Variants in FLI1 observed in about 807,000 individuals in gnomAD.
The protein encoded by FLI1 is Fli-1 proto-oncogene, ETS transcription factor, also known as Friend leukemia integration 1 transcription factor.
A neutral mutation model predicts 53.1 loss-of-function variants in FLI1; 13 were observed. The observed-to-expected ratio is 0.24, with a 90% CI of 0.16 to 0.39. The LOEUF (loss-of-function observed/expected upper bound fraction) is 0.39. FLI1 is among the 10% of genes least tolerant of loss of function. The pLI, the probability that FLI1 is intolerant of heterozygous loss-of-function variation, is 1.00. For synonymous variants in FLI1, 244 were observed against 236.7 expected (o/e 1.03, Z -0.28); for missense variants, 424 against 600.5 (o/e 0.71, Z 3.07).
At chr11:128,699,769 T>C (rs1938242226) in intron 1 of FLI1, among the ~76,000 whole-genome samples, 1 of 152,252 alleles carries the variant, frequency 6.6e-6, no homozygotes, top group Non-Finnish European at 1.5e-5. Flanking sequence ...GATAGGGTTA[T>C]ATGTCCCCAC....
chr11:128,731,759 T>C (rs752561954), intron 1 of FLI1, among the ~76,000 whole-genome samples: 15 of 152,102 alleles, frequency 9.9e-5, no homozygotes, highest in Non-Finnish European at 1.9e-4. Flanking sequence ...ATCCAGCACT[T>C]TGGGAGGCGG....
chr11:128,724,716 G>A (rs1200979220), intron 1 of FLI1, among the ~76,000 whole-genome samples: 4 of 152,130 alleles, frequency 2.6e-5, no homozygotes, highest in African/African-American at 7.2e-5. Context: ...TCTTGATACG[G>A]GATCTAAATG....
chr11:128,756,769 G>A (rs959006842), intron 1 of FLI1, among the ~76,000 whole-genome samples: 4 of 152,178 alleles, frequency 2.6e-5, no homozygotes, highest in African/African-American at 9.7e-5. Flanking sequence ...TGACTGTAGT[G>A]AACACTATGC....
At chr11:128,702,005 A>G (rs1406556781) in intron 1 of FLI1, among the ~76,000 whole-genome samples, 1 of 152,236 alleles carries the variant, frequency 6.6e-6, no homozygotes, top group African/African-American at 2.4e-5. Flanking sequence ...CAAAAGTGTG[A>G]AAACAAACAG....
intron 2 of FLI1, among the ~76,000 whole-genome samples, chr11:128,760,934 A>G (rs1591789509): frequency 6.6e-6 from 1 of 152,104 alleles, no homozygotes; most frequent in East Asian, 1.9e-4. Context: ...CTGCGGGGGC[A>G]TCCTGCTCTC....
intron 8 of FLI1, among the ~76,000 whole-genome samples, chr11:128,809,432 C>A (rs986960040): frequency 6.6e-6 from 1 of 152,150 alleles, no homozygotes; most frequent in African/African-American, 2.4e-5. Context: ...AACACATCAG[C>A]ACTGCACATG....
At position 128,758,252 on chromosome 11, in the gene FLI1, A is replaced by T; in HGVS notation, c.156A>T (p.Pro52=). Residue 52 remains proline (P), a synonymous_variant, in exon 2 of 9, where the codon CCA becomes CCT. Coordinates refer to ENST00000527786, the MANE Select transcript of FLI1 (RefSeq NM_002017.5). The part of the protein sequence containing the change: ...YGQPHKINPL[P]PQQEWINQPV... ...AGCCCCACAAGATCAACCCCCTCCC[A>T]CCACAGCAGGAGTGGATCAATCAGC... 2 of 1,613,438 alleles carry T rather than the reference A, an allele frequency of 1.2e-6. No homozygotes were observed. Among genetic ancestry groups the T allele is most frequent in the Non-Finnish European group, 1.7e-6 (2 of 1,179,688 alleles).
At chr11:128,801,060 C>T (rs1009391464) in intron 5 of FLI1, among the ~76,000 whole-genome samples, 1 of 152,250 alleles carries the variant, frequency 6.6e-6, no homozygotes, top group African/African-American at 2.4e-5. Context: ...TCAACTGGTA[C>T]ACTGGTGCCG....
chr11:128,749,807 C>T (rs1432499617), intron 1 of FLI1, among the ~76,000 whole-genome samples: 1 of 152,218 alleles, frequency 6.6e-6, no homozygotes, highest in Non-Finnish European at 1.5e-5. Context: ...CTTTTCCCTC[C>T]CTGCCCTTTA....
At chr11:128,809,253 C>T in intron 8 of FLI1, 49 bp downstream of exon 8, 4 of 1,526,670 alleles carry the variant, frequency 2.6e-6, no homozygotes, top group Non-Finnish European at 3.6e-6. Context: ...TGTTTCGTAG[C>T]TTTGTGAAAT....
chr11:128,725,906 A>G (rs188653940), intron 1 of FLI1, among the ~76,000 whole-genome samples: 5 of 152,280 alleles, frequency 3.3e-5, no homozygotes, highest in African/African-American at 1.2e-4. Context: ...AGGAATTCAA[A>G]TGTGTCCTGG....
chr11:128,749,405 C>T (rs867560635), intron 1 of FLI1, among the ~76,000 whole-genome samples: 3 of 152,200 alleles, frequency 2.0e-5, no homozygotes, highest in Non-Finnish European at 4.4e-5. Context: ...GCTGTGGCCT[C>T]GGTTCCTCTC....
At chr11:128,721,214 C>G (rs748013318) in intron 1 of FLI1, among the ~76,000 whole-genome samples, 8 of 152,178 alleles carry the variant, frequency 5.3e-5, no homozygotes, top group Non-Finnish European at 1.2e-4. Flanking sequence ...TTCAGGGATG[C>G]CTTCTTCTGC....
At chr11:128,693,785 G>C (rs570855392), upstream of FLI1, 3 of 233,932 alleles carry the variant, frequency 1.3e-5, no homozygotes, top group East Asian at 1.8e-4. Context: ...CAAGTATCCT[G>C]TGTGCGCAGC....
rs1385963172 is a variant in FLI1 at position 128,813,086 on chromosome 11, GT to G, written c.*2107del. 21 of 162,514 alleles carry G rather than the reference GT, an allele frequency of 1.3e-4. 1 individual carries two copies. The highest frequency in any genetic ancestry group is 1.7e-4 in the African/African-American group (7 of 40,634). The allele number at this position is 162,514 out of a possible 1,614,324, so 10.1% of individuals were successfully genotyped here. On this transcript the variant is annotated 3_prime_UTR_variant, in exon 9 of 9. Coordinates refer to ENST00000527786, the MANE Select transcript of FLI1 (RefSeq NM_002017.5). Reference sequence around the variant, plus strand: ...ATGTGTTTCGGAACATTTGTCTCCAGTTTTTTTTTAATCTTGCACCCTGCCA... The same window carrying G: ...ATGTGTTTCGGAACATTTGTCTCCAGTTTTTTTTAATCTTGCACCCTGCCA...
At position 128,811,009 on chromosome 11, in the gene FLI1, T is replaced by C. The variant is rs1408999613; in HGVS notation, c.*21T>C. On this transcript the variant is annotated 3_prime_UTR_variant, in exon 9 of 9. Transcript: ENST00000527786. Reference sequence around the variant, plus strand: ...ACTAGAAGCTTACTCATCAGTGGCCTTCTAGCTGAAGCCCATCCTGCACAC... The same window carrying C: ...ACTAGAAGCTTACTCATCAGTGGCCCTCTAGCTGAAGCCCATCCTGCACAC... The C allele has an allele frequency of 2.5e-6, 4 of 1,613,100 alleles. No homozygotes were observed. The highest frequency in any genetic ancestry group is 3.4e-6 in the Non-Finnish European group (4 of 1,179,220).
intron 1 of FLI1, among the ~76,000 whole-genome samples, chr11:128,736,858 G>C (rs1046474593): frequency 6.6e-6 from 1 of 152,098 alleles, no homozygotes; most frequent in African/African-American, 2.4e-5. Context: ...GGTGTGTGGG[G>C]AGAACCATGA....
chr11:128,694,339 G>C, intron 1 of FLI1, 63 bp downstream of exon 1: 2 of 1,237,280 alleles, frequency 1.6e-6, no homozygotes, highest in Non-Finnish European at 2.1e-6. Context: ...GCGGCGGGCG[G>C]GTAGGTGCGG....
chr11:128,704,135 T>C (rs540890123), intron 1 of FLI1, among the ~76,000 whole-genome samples: 2 of 152,344 alleles, frequency 1.3e-5, no homozygotes, highest in South Asian at 4.1e-4. Context: ...CAAAATTTGC[T>C]TTCAGCTCTC....
Sources: gnomAD v4.1 joint callset for allele counts (sites outside exome capture counted in the v4.1 genomes callset) on GRCh38, gnomAD v4.1.1 for gene constraint, MANE v1.5 for transcripts, NCBI Gene and HGNC (gene_info 2026-07-23, HGNC 2026-07-21) for gene names.